Variants in PROX2 observed in about 807,000 individuals in gnomAD.
The protein encoded by PROX2 is prospero homeobox 2.
Under a neutral mutation model 48.9 loss-of-function variants are expected in PROX2, and 46 were observed. The ratio of observed to expected loss-of-function variants is 0.94; its 90% confidence interval spans 0.74 to 1.20. The LOEUF is 1.20. Ranked by LOEUF, PROX2 falls within the 50% of genes most tolerant of loss-of-function variation. PROX2 has a pLI of 0.00. For synonymous variants in PROX2, 260 were observed against 276.6 expected, an observed-to-expected ratio of 0.94 and a Z score of 0.60; for missense variants, 663 against 719.4, an observed-to-expected ratio of 0.92 and a Z score of 0.90.
chr14:74,856,752 T>C (rs980561064), intron 5 of PROX2, 49 bp downstream of exon 5: 1 of 1,512,114 alleles, frequency 6.6e-7, no homozygotes. Flanking sequence ...TCGAATCATA[T>C]AGGGAAGACA....
chr14:74,862,929 A>C lies in PROX2; in HGVS notation c.906T>G (p.Asn302Lys). 1 of 1,613,834 alleles carries C rather than the reference A, an allele frequency of 6.2e-7. No homozygotes were observed. The highest frequency in any genetic ancestry group is 8.5e-7 in the Non-Finnish European group (1 of 1,179,826). Residue 302 changes from asparagine to lysine, a missense_variant, in exon 3 of 6, where the codon AAT (asparagine) becomes AAG (lysine). Coordinates refer to ENST00000556489, the MANE Select transcript of PROX2 (RefSeq NM_001243007.2). ...AATCTAGACGCTTGGCCAGTGATAA[A>C]TTTCCTACTGGGACCCCAGCTTGTA... ...VQLQAGVPVGNLSLAKRLDSP... is the reference protein window; with the variant it reads ...VQLQAGVPVGKLSLAKRLDSP...
Position 74,856,940 on chromosome 14 carries a change from A to G in PROX2, c.1469T>C (p.Phe490Ser). Residue 490 changes from phenylalanine (F) to serine (S), a missense_variant, in exon 5 of 6, where the codon TTT becomes TCT. Phe to Ser is a radical substitution (Grantham distance 155). Transcript: ENST00000556489. ...MIKWFSNFRE[F>S]YYIQMEKSAR... is the part of the protein sequence containing the mutation. ...AGATTTTTCCATTTGGATGTAATAAAACTCACGAAAGTTGCTGAACCACTT... is the reference window on the plus strand; with the variant it reads ...AGATTTTTCCATTTGGATGTAATAAGACTCACGAAAGTTGCTGAACCACTT... 2 of 1,614,008 alleles carry G rather than the reference A, an allele frequency of 1.2e-6. No individual in the cohort carries two copies. The highest frequency in any genetic ancestry group is 1.7e-6 in the Non-Finnish European group (2 of 1,179,886).
intron 4 of PROX2, 164 bp downstream of exon 4, chr14:74,858,243 T>C: frequency 1.9e-6 from 1 of 522,058 alleles, no homozygotes; most frequent in Non-Finnish European, 3.4e-6. Context: ...TATTCACGGT[T>C]ATTTGGGTAG....
At chr14:74,860,713 A>G (rs1467396897) in intron 3 of PROX2, among the ~76,000 whole-genome samples, 1 of 152,188 alleles carries the variant, frequency 6.6e-6, no homozygotes, top group Non-Finnish European at 1.5e-5. Context: ...AGGGGGTCCC[A>G]AGTCATTCCA....
chr14:74,857,071 C>T (rs1040856853), intron 4 of PROX2, 76 bp from the exon 5 acceptor site: 18 of 1,274,194 alleles, frequency 1.4e-5, no homozygotes, highest in Non-Finnish European at 1.9e-5. Flanking sequence ...GCTTCCAGCT[C>T]AGTATAGGGG....
chr14:74,865,797 C>G (rs1315983686), intron 2 of PROX2, among the ~76,000 whole-genome samples: 1 of 151,910 alleles, frequency 6.6e-6, no homozygotes, highest in South Asian at 2.1e-4. Context: ...CACCACTGCC[C>G]TCCAGCCTGG....
chr14:74,863,306 GCT>G lies in PROX2; in HGVS notation c.527_528del (p.Lys176ThrfsTer15). On this transcript the variant is annotated frameshift_variant, in exon 3 of 6. Transcript: ENST00000556489. LOFTEE classifies it high-confidence loss of function. The part of the protein sequence containing the change: ...CGTGKGPLSA[K>X]QGNGCGPRPW... ...GGGCGAGGCCCACAGCCATTCCCCT[GCT>G]TTGCACTCAGAGGGCCTTTCCCCGT... The G allele has an allele frequency of 6.2e-7, 1 of 1,614,050 alleles. No homozygotes were observed. The highest frequency in any genetic ancestry group is 8.5e-7 in the Non-Finnish European group (1 of 1,179,892).
chr14:74,862,933 C>A lies in PROX2; in HGVS notation c.902G>T (p.Gly301Val), dbSNP rs2091807864. Residue 301 changes from glycine (G) to valine (V), a missense_variant, in exon 3 of 6, where the codon GGA (glycine) becomes GTA (valine). Gly to Val is a moderately radical substitution (Grantham distance 109). Transcript: ENST00000556489. ...TAGACGCTTGGCCAGTGATAAATTTCCTACTGGGACCCCAGCTTGTAGCTG... is the reference window on the plus strand; with the variant it reads ...TAGACGCTTGGCCAGTGATAAATTTACTACTGGGACCCCAGCTTGTAGCTG... ...RVQLQAGVPV[G>V]NLSLAKRLDS... The A allele has an allele frequency of 6.2e-7, 1 of 1,613,808 alleles. No homozygotes were observed. Among genetic ancestry groups the A allele is most frequent in the Non-Finnish European group, 8.5e-7 (1 of 1,179,858 alleles).
chr14:74,862,869 G>T lies in PROX2; in HGVS notation c.966C>A (p.Pro322=). 1 of 1,613,942 alleles carries T rather than the reference G, an allele frequency of 6.2e-7. No homozygotes were observed. Among genetic ancestry groups the T allele is most frequent in the Non-Finnish European group, 8.5e-7 (1 of 1,179,846 alleles). Residue 322 remains proline (P), a synonymous_variant, in exon 3 of 6, where the codon CCC becomes CCA. Coordinates refer to ENST00000556489, the MANE Select transcript of PROX2 (RefSeq NM_001243007.2). ...PRYPIPPRMT[P]KPCQDPPANF... is the part of the protein sequence containing the mutation. ...TTGCTGGGGGATCCTGACAGGGTTT[G>T]GGGGTCATTCTTGGAGGGATAGGGT...
intron 1 of PROX2, among the ~76,000 whole-genome samples, chr14:74,873,328 C>G (rs1312198184): frequency 6.6e-6 from 1 of 152,152 alleles, no homozygotes; most frequent in Non-Finnish European, 1.5e-5. Context: ...TTAACTCTGC[C>G]TTTTCCCCTT....
chr14:74,875,614 A>C (rs1489482228), intron 1 of PROX2, among the ~76,000 whole-genome samples: 1 of 152,242 alleles, frequency 6.6e-6, no homozygotes, highest in Non-Finnish European at 1.5e-5. Flanking sequence ...ATCTAATGAA[A>C]GAAGAGCTTC....
intron 2 of PROX2, among the ~76,000 whole-genome samples, chr14:74,865,666 C>T (rs1364834705): frequency 6.6e-6 from 1 of 151,720 alleles, no homozygotes; most frequent in Non-Finnish European, 1.5e-5. Context: ...CCCGTCTCTA[C>T]TAAAAATACA....
chr14:74,875,160 A>G (rs1394133611), intron 1 of PROX2, among the ~76,000 whole-genome samples: 1 of 152,242 alleles, frequency 6.6e-6, no homozygotes, highest in African/African-American at 2.4e-5. Flanking sequence ...AAAATAAAAA[A>G]TAAATAAAAT....
At chr14:74,855,431 C>T (rs2091735990) in intron 5 of PROX2, 129 bp from the exon 6 acceptor site, 1 of 617,018 alleles carries the variant, frequency 1.6e-6, no homozygotes, top group Non-Finnish European at 2.5e-6. Flanking sequence ...CTCTAGTGGC[C>T]CCTGATTCTG....
Position 74,863,449 on chromosome 14 carries a change from C to A in PROX2, c.386G>T (p.Gly129Val), listed in dbSNP as rs529608422. The A allele has an allele frequency of 1.9e-6, 3 of 1,613,196 alleles. No individual in the cohort carries two copies. Among genetic ancestry groups the A allele is most frequent in the South Asian group, 2.2e-5 (2 of 90,972 alleles). Residue 129 changes from glycine to valine, a missense_variant, in exon 3 of 6, where the codon GGC becomes GTC. Physicochemically the swap from Gly to Val is moderately radical, Grantham distance 109. Transcript: ENST00000556489. Reference sequence around the variant, plus strand: ...ATGAAGTTGTTCTCTCACACGAGGGCCCCCCTTCCTGTTGCCCTGGTCCCA... The same window carrying A: ...ATGAAGTTGTTCTCTCACACGAGGGACCCCCTTCCTGTTGCCCTGGTCCCA... ...PAWDQGNRKG[G>V]PRVREQLHLL...
At chr14:74,861,327 A>C in intron 3 of PROX2, 161 of 824,558 alleles carry the variant, frequency 2.0e-4, no homozygotes, top group Non-Finnish European at 2.7e-4. Flanking sequence ...ATATATTCTC[A>C]AGAACTTAAG....
In PROX2 at chr14:74,855,179, C is replaced by T; in HGVS notation, c.1732G>A (p.Asp578Asn). 6.3e-7 allele frequency: 1 copy of T among 1,594,694 alleles called. No homozygotes were observed. The highest frequency in any genetic ancestry group is 8.6e-7 in the Non-Finnish European group (1 of 1,167,550). Residue 578 changes from aspartate to asparagine, a missense_variant, in exon 6 of 6, where the codon GAC becomes AAC. Asp to Asn is a conservative substitution (Grantham distance 23). Coordinates refer to ENST00000556489, the MANE Select transcript of PROX2 (RefSeq NM_001243007.2). ...KPIYKIISKLDSDIPEIFKSS... is the reference protein window; with the variant it reads ...KPIYKIISKLNSDIPEIFKSS... ...TTGAATATCTCTGGGATGTCACTGT[C>T]CAGTTTCGAAATAATTTTATAAATG...
In PROX2 at chr14:74,863,786, G is replaced by A. The variant is rs1349801560; in HGVS notation, c.49C>T (p.His17Tyr). Reference protein sequence around the residue: ...LLSPQPQICSHLAEACTEGER... With the variant: ...LLSPQPQICSYLAEACTEGER... ...CCTTCCGTACAAGCTTCTGCTAGGT[G>A]GGAGCAGATCTGGGGCTGAGGAGAA... The change falls in exon 3 of 6, where the codon CAC becomes TAC. Residue 17 changes from histidine (H) to tyrosine (Y), a missense_variant. His to Tyr is a moderately conservative substitution (Grantham distance 83). Transcript: ENST00000556489. 6.6e-7 allele frequency: 1 copy of A among 1,524,022 alleles called. No homozygotes were observed. Among genetic ancestry groups the A allele is most frequent in the Non-Finnish European group, 8.8e-7 (1 of 1,140,296 alleles). The allele number at this position is 1,524,022 out of a possible 1,614,324, so 94.4% of individuals were successfully genotyped here.
chr14:74,855,061 G>T lies in PROX2; in HGVS notation c.*71C>A. The T allele has an allele frequency of 9.2e-7, 1 of 1,081,382 alleles. No homozygotes were observed. Among genetic ancestry groups the T allele is most frequent in the Non-Finnish European group, 1.3e-6 (1 of 793,910 alleles). 67.0% of individuals were successfully genotyped at this position (1,081,382 alleles called of 1,614,324 possible). A position where few individuals can be genotyped will look rare whatever the true frequency, so the allele number is the denominator to read the frequency against. ...CTTTTTATATGACTACAGCTAAATT[G>T]CCCTTTAAGACAAACCCAGGAAACC... On this transcript the variant is annotated 3_prime_UTR_variant, in exon 6 of 6. Transcript: ENST00000556489.
Sources: allele counts gnomAD v4.1 joint callset (sites outside exome capture counted in the v4.1 genomes callset), GRCh38; gene constraint gnomAD v4.1.1; transcripts MANE v1.5; gene names NCBI Gene and HGNC (gene_info 2026-07-23, HGNC 2026-07-21).